The following TSC22D1 variants were observed in gnomAD, a reference collection of about 807,000 sequenced individuals.
The protein encoded by TSC22D1 is TSC22 domain family protein 1.
A neutral mutation model predicts 74.2 loss-of-function variants in TSC22D1; 9 were observed. The ratio of observed to expected loss-of-function variants is 0.12; its 90% CI spans 0.07 to 0.21. The LOEUF (loss-of-function observed/expected upper bound fraction) is 0.21, where lower values mean the gene tolerates loss of function less well. Ranked by LOEUF, TSC22D1 falls within the 10% of genes least tolerant of loss-of-function variation. The probability of loss-of-function intolerance (pLI) is 1.00; values close to 1 mark genes in which losing one functional copy is unlikely to be tolerated. For missense variants in TSC22D1, 1,427 were observed against 1,304.7 expected, an observed-to-expected ratio of 1.09 and a Z score of -1.44; for synonymous variants, 586 against 492.5, an observed-to-expected ratio of 1.19 and a Z score of -2.51.
At chr13:44,572,607 A>G (rs1376398149) in intron 1 of TSC22D1, among the ~76,000 whole-genome samples, 1 of 152,226 alleles carries the variant, frequency 6.6e-6, no homozygotes, top group Non-Finnish European at 1.5e-5. Context: ...TGACCATTAA[A>G]TAAGTACGCA....
chr13:44,573,434 T>C lies in TSC22D1; in HGVS notation c.2641A>G (p.Asn881Asp). Residue 881 changes from asparagine to aspartate, a missense_variant, in exon 1 of 3, where the codon AAT becomes GAT. This residue lies in a region of TSC22D1 where 1,343 missense variants were observed against 1,191.5 expected (regional missense o/e 1.13). Transcript: ENST00000458659. Reference protein sequence around the residue: ...SVSQPPLIATNTNLPLAQQIP... With the variant: ...SVSQPPLIATDTNLPLAQQIP... ...TGTTGTGCCAAAGGCAAATTTGTAT[T>C]AGTTGCTATCAAGGGAGGTTGACTA... 6.2e-7 allele frequency: 1 copy of C among 1,614,256 alleles called. No homozygotes were observed. Among genetic ancestry groups the C allele is most frequent in the Non-Finnish European group, 8.5e-7 (1 of 1,180,040 alleles).
In TSC22D1 at chr13:44,575,180, T is replaced by C. The variant is rs780702050; in HGVS notation, c.895A>G (p.Thr299Ala). ...ACAGAATTTATACCTATTCCACCTG[T>C]AGTACTTGGAGCACGCATATTAGTC... ...VMTNMRAPST[T>A]GGIGINSVTG... Residue 299 changes from threonine to alanine, a missense_variant, in exon 1 of 3, where the codon ACA (threonine) becomes GCA (alanine). Coordinates refer to ENST00000458659, the MANE Select transcript of TSC22D1 (RefSeq NM_183422.4). The C allele has an allele frequency of 1.2e-5, 20 of 1,613,980 alleles. No individual in the cohort carries two copies. The highest frequency in any genetic ancestry group is 1.7e-5 in the Admixed American group (1 of 60,014).
At chr13:44,568,332 A>G (rs1265752941) in intron 1 of TSC22D1, among the ~76,000 whole-genome samples, 1 of 152,162 alleles carries the variant, frequency 6.6e-6, no homozygotes, top group Admixed American at 6.5e-5. Flanking sequence ...AAAATTGTTA[A>G]CAATATCTGA....
At chr13:44,469,683 A>G (rs1485598400) in intron 1 of TSC22D1, among the ~76,000 whole-genome samples, 3 of 152,188 alleles carry the variant, frequency 2.0e-5, no homozygotes, top group African/African-American at 7.2e-5. Context: ...ACTTGAAAAC[A>G]CATAGTACCA....
chr13:44,467,143 C>T (rs1449985671), intron 1 of TSC22D1, among the ~76,000 whole-genome samples: 1 of 151,822 alleles, frequency 6.6e-6, no homozygotes, highest in Non-Finnish European at 1.5e-5. Context: ...GCCTGGGCAA[C>T]AGAGCAAGAC....
intron 1 of TSC22D1, among the ~76,000 whole-genome samples, chr13:44,525,493 G>A (rs1417098765): frequency 6.6e-6 from 1 of 152,160 alleles, no homozygotes. Flanking sequence ...AGAGCCTGAG[G>A]CAGGAGGATC....
chr13:44,563,064 A>T (rs1883150469), intron 1 of TSC22D1, among the ~76,000 whole-genome samples: 1 of 151,884 alleles, frequency 6.6e-6, no homozygotes, highest in Admixed American at 6.6e-5. Context: ...AGATTGCATC[A>T]TTGCACTCCA....
intron 1 of TSC22D1, among the ~76,000 whole-genome samples, chr13:44,490,897 C>T (rs1158125075): frequency 1.4e-5 from 2 of 144,412 alleles, no homozygotes; most frequent in African/African-American, 5.1e-5. Flanking sequence ...AGTGAAACTC[C>T]GTCTCATTAA....
chr13:44,534,348 T>A (rs1159684351), intron 1 of TSC22D1, among the ~76,000 whole-genome samples: 3 of 138,706 alleles, frequency 2.2e-5, no homozygotes, highest in East Asian at 2.1e-4. Context: ...GGTGACACTG[T>A]GAGACCCCGT....
At chr13:44,478,710 GTTTACCACAC>G (rs1878036202) in intron 1 of TSC22D1, among the ~76,000 whole-genome samples, 1 of 152,130 alleles carries the variant, frequency 6.6e-6, no homozygotes. Context: ...TGATTAGTTT[GTTTACCACAC>G]TCTACCACGG....
rs138843857 is a variant in TSC22D1 at position 44,569,526 on chromosome 13, A to C, written c.2912+3637T>G. On this transcript the variant is annotated intron_variant, in intron 1 of 2. Transcript: ENST00000458659. ...TCTTGAAAAAAAAACTTTAAAAATT[A>C]TAATTTCGTATTTTAGTTAACAAAG... Among the ~76,000 whole-genome samples, 202 of 152,324 alleles carry C rather than the reference A, an allele frequency of 1.3e-3. 1 individual carries two copies. Among genetic ancestry groups the C allele is most frequent in the African/African-American group, 4.6e-3 (192 of 41,578 alleles).
intron 1 of TSC22D1, among the ~76,000 whole-genome samples, chr13:44,523,259 C>T (rs1177789609): frequency 6.6e-6 from 1 of 152,186 alleles, no homozygotes; most frequent in East Asian, 1.9e-4. Context: ...GAGCTAAGCA[C>T]AGGCTTACTA....
chr13:44,574,076 T>C lies in TSC22D1; in HGVS notation c.1999A>G (p.Met667Val), dbSNP rs377196940. The C allele has an allele frequency of 1.5e-5, 25 of 1,614,236 alleles. No homozygotes were observed. Among genetic ancestry groups the C allele is most frequent in the Middle Eastern group, 1.6e-4 (1 of 6,062 alleles). ...VQQQPILQTAMSSGQPSSAGV... is the reference protein window; with the variant it reads ...VQQQPILQTAVSSGQPSSAGV... ...GCAGAACTGGGCTGTCCGGAGGACATTGCTGTTTGAAGAATTGGCTGCTGT... is the reference window on the plus strand; with the variant it reads ...GCAGAACTGGGCTGTCCGGAGGACACTGCTGTTTGAAGAATTGGCTGCTGT... Residue 667 changes from methionine (M) to valine (V), a missense_variant, in exon 1 of 3, where the codon ATG becomes GTG. Around this residue, in one of 3 missense-constraint regions of TSC22D1, gnomAD observed 1,343 missense variants for 1,191.5 expected, o/e 1.13. Transcript: ENST00000458659.
At chr13:44,464,650 C>G (rs866975996) in intron 1 of TSC22D1, among the ~76,000 whole-genome samples, 44 of 152,198 alleles carry the variant, frequency 2.9e-4, no homozygotes, top group Admixed American at 8.5e-4. Flanking sequence ...GCACTCAGTA[C>G]AGCTGGTGAA....
At chr13:44,474,267 G>C in intron 1 of TSC22D1, 1 of 985,390 alleles carries the variant, frequency 1.0e-6, no homozygotes, top group Non-Finnish European at 1.2e-6. Flanking sequence ...ACAGACTATG[G>C]TGGCTTTCTT....
intron 1 of TSC22D1, among the ~76,000 whole-genome samples, chr13:44,572,071 CTAAAA>C (rs1555275278): frequency 6.6e-6 from 1 of 152,094 alleles, no homozygotes; most frequent in Non-Finnish European, 1.5e-5. Flanking sequence ...CCAACTAATA[CTAAAA>C]TAATTAAATA....
intron 1 of TSC22D1, among the ~76,000 whole-genome samples, chr13:44,550,722 C>A (rs9595149): frequency 0.11 from 16,213 of 151,900 alleles, 948 homozygotes; most frequent in Non-Finnish European, 0.12. Context: ...GTTTATTTCC[C>A]TACTTCCTTC....
intron 1 of TSC22D1, chr13:44,436,392 TCAC>T: frequency 7.4e-7 from 1 of 1,342,786 alleles, no homozygotes; most frequent in Non-Finnish European, 1.0e-6. Flanking sequence ...AACATCCATG[TCAC>T]CATAATCTCT....
At chr13:44,453,505 T>C (rs1052813085) in intron 1 of TSC22D1, among the ~76,000 whole-genome samples, 11 of 152,254 alleles carry the variant, frequency 7.2e-5, no homozygotes, top group African/African-American at 2.7e-4. Flanking sequence ...TATTACTTGA[T>C]GCAATAAAGC....
Sources: gnomAD v4.1 joint callset for allele counts (sites outside exome capture counted in the v4.1 genomes callset) on GRCh38, gnomAD v4.1.1 for gene constraint, gnomAD v4.1.1 regional missense constraint, MANE v1.5 for transcripts, NCBI Gene and HGNC (gene_info 2026-07-23, HGNC 2026-07-21) for gene names.